The following DTNBP1 variants were observed in gnomAD, a reference collection of about 807,000 sequenced individuals.
The protein encoded by DTNBP1 is dysbindin.
Under a neutral mutation model 42.8 loss-of-function variants are expected in DTNBP1, and 35 were observed. The observed-to-expected ratio is 0.82, with a 90% CI of 0.63 to 1.09. The LOEUF (loss-of-function observed/expected upper bound fraction) is 1.09. DTNBP1 is among the 50% of genes least tolerant of loss of function. The pLI, the probability that DTNBP1 is intolerant of heterozygous loss-of-function variation, is 0.00. For synonymous variants in DTNBP1, 171 were observed against 162.2 expected, an observed-to-expected ratio of 1.05 and a Z score of -0.41; for missense variants, 457 against 424.2, an observed-to-expected ratio of 1.08 and a Z score of -0.68.
chr6:15,540,074 C>T (rs1281916765), intron 7 of DTNBP1, among the ~76,000 whole-genome samples: 1 of 152,100 alleles, frequency 6.6e-6, no homozygotes, highest in East Asian at 1.9e-4. Flanking sequence ...CAAATATTAC[C>T]AAGAACCAGG....
chr6:15,529,544 C>T (rs1044420144), intron 8 of DTNBP1, among the ~76,000 whole-genome samples: 1 of 152,236 alleles, frequency 6.6e-6, no homozygotes, highest in Non-Finnish European at 1.5e-5. Flanking sequence ...TCCCAGGGCA[C>T]TGGGTCCACG....
At chr6:15,625,261 C>T (rs1759275304) in intron 5 of DTNBP1, among the ~76,000 whole-genome samples, 1 of 152,106 alleles carries the variant, frequency 6.6e-6, no homozygotes, top group Admixed American at 6.5e-5. Context: ...AAGCAACCAT[C>T]CAGACATACC....
intron 6 of DTNBP1, among the ~76,000 whole-genome samples, chr6:15,600,946 T>C (rs146670524): frequency 3.0e-4 from 45 of 152,324 alleles, no homozygotes; most frequent in African/African-American, 1.0e-3. Flanking sequence ...GATCACCTTA[T>C]GGCTGGCAGA....
At chr6:15,549,490 TTAAAAAAAAAA>T (rs1282024092) in intron 7 of DTNBP1, among the ~76,000 whole-genome samples, 3 of 101,802 alleles carry the variant, frequency 2.9e-5, no homozygotes, top group African/African-American at 9.4e-5. Flanking sequence ...GTCTCAGGGA[TTAAAAAAAAAA>T]AAAAAAAAAA....
At chr6:15,601,570 C>T (rs1259151416) in intron 6 of DTNBP1, among the ~76,000 whole-genome samples, 1 of 151,994 alleles carries the variant, frequency 6.6e-6, no homozygotes, top group Non-Finnish European at 1.5e-5. Flanking sequence ...CAATAATGCA[C>T]TTCTCTGATA....
chr6:15,610,110 C>T (rs1404946402), intron 6 of DTNBP1, among the ~76,000 whole-genome samples: 2 of 152,144 alleles, frequency 1.3e-5, no homozygotes, highest in Non-Finnish European at 2.9e-5. Context: ...AGTCTGGAGC[C>T]CCTCAGGTGA....
chr6:15,524,508 C>G lies in DTNBP1; in HGVS notation c.811+18G>C, dbSNP rs1772214805. 1 of 1,608,266 alleles carries G rather than the reference C, an allele frequency of 6.2e-7. No individual in the cohort carries two copies. Among genetic ancestry groups the G allele is most frequent in the Admixed American group, 1.7e-5 (1 of 59,802 alleles). On this transcript the variant is annotated intron_variant, in intron 9 of 9. Transcript: ENST00000344537. Reference sequence around the variant, plus strand: ...CGATACTGCCCTGGTTCAGCTAATGCAAGTTTGTCAACCCTACCTAAGGCG... The same window carrying G: ...CGATACTGCCCTGGTTCAGCTAATGGAAGTTTGTCAACCCTACCTAAGGCG...
At chr6:15,590,436 C>T (rs1173719365) in intron 7 of DTNBP1, among the ~76,000 whole-genome samples, 1 of 152,172 alleles carries the variant, frequency 6.6e-6, no homozygotes, top group African/African-American at 2.4e-5. Flanking sequence ...CCTTAGTCTT[C>T]CTGTTTCTCT....
intron 1 of DTNBP1, among the ~76,000 whole-genome samples, chr6:15,652,849 T>A (rs1246522489): frequency 2.0e-5 from 3 of 152,144 alleles, no homozygotes; most frequent in East Asian, 3.9e-4. Context: ...CTCTATCTCC[T>A]GGCCTCAAGT....
At chr6:15,586,224 AT>A (rs1776074281) in intron 7 of DTNBP1, among the ~76,000 whole-genome samples, 1 of 152,174 alleles carries the variant, frequency 6.6e-6, no homozygotes, top group Admixed American at 6.5e-5. Flanking sequence ...GGCATCTATA[AT>A]TTTCCCCTAC....
chr6:15,641,169 G>A (rs1030887864), intron 3 of DTNBP1, among the ~76,000 whole-genome samples: 2 of 152,170 alleles, frequency 1.3e-5, no homozygotes, highest in Non-Finnish European at 2.9e-5. Flanking sequence ...TAAAGACTAG[G>A]ACATTCAATA....
chr6:15,573,731 G>C (rs572853948), intron 7 of DTNBP1, among the ~76,000 whole-genome samples: 1 of 152,224 alleles, frequency 6.6e-6, no homozygotes, highest in Non-Finnish European at 1.5e-5. Context: ...TTTGAGACAA[G>C]GAGTCTTGTT....
chr6:15,640,694 G>T (rs1174732587), intron 3 of DTNBP1, among the ~76,000 whole-genome samples: 1 of 152,184 alleles, frequency 6.6e-6, no homozygotes, highest in African/African-American at 2.4e-5. Flanking sequence ...AGAGTAAGAG[G>T]CATCTAGAAT....
intron 4 of DTNBP1, among the ~76,000 whole-genome samples, chr6:15,629,959 T>C (rs947618221): frequency 2.6e-5 from 4 of 152,214 alleles, no homozygotes; most frequent in Admixed American, 6.5e-5. Flanking sequence ...TTATCATGTG[T>C]AATTTCTTAA....
At chr6:15,661,376 T>A (rs930954367) in intron 1 of DTNBP1, among the ~76,000 whole-genome samples, 11 of 68,570 alleles carry the variant, frequency 1.6e-4, no homozygotes, top group African/African-American at 1.6e-4. Flanking sequence ...GGGGGGAGGG[T>A]GGGCCGGGAA....
intron 7 of DTNBP1, among the ~76,000 whole-genome samples, chr6:15,539,325 C>A (rs368384228): frequency 6.6e-5 from 10 of 152,212 alleles, no homozygotes; most frequent in Middle Eastern, 3.2e-3. Context: ...CATGTGTTTA[C>A]GTGAAGACGG....
At chr6:15,612,826 T>C (rs1167778063) in intron 6 of DTNBP1, among the ~76,000 whole-genome samples, 1 of 152,234 alleles carries the variant, frequency 6.6e-6, no homozygotes, top group African/African-American at 2.4e-5. Context: ...CTTGTTGCAT[T>C]ATAAACATAT....
chr6:15,597,808 A>T (rs1776574362), intron 6 of DTNBP1, among the ~76,000 whole-genome samples: 2 of 152,326 alleles, frequency 1.3e-5, no homozygotes, highest in Non-Finnish European at 2.9e-5. Flanking sequence ...GATGACTAAG[A>T]TCTGCTTCTT....
At chr6:15,622,225 A>AT (rs1759077853) in intron 5 of DTNBP1, among the ~76,000 whole-genome samples, 7 of 152,244 alleles carry the variant, frequency 4.6e-5, no homozygotes, top group Admixed American at 4.6e-4. Flanking sequence ...AGAACTTAGA[A>AT]AACATTAAAC....
Sources: gnomAD v4.1 joint callset for allele counts (sites outside exome capture counted in the v4.1 genomes callset) on GRCh38, gnomAD v4.1.1 for gene constraint, MANE v1.5 for transcripts, NCBI Gene and HGNC (gene_info 2026-07-23, HGNC 2026-07-21) for gene names.